NELL1: variants seen among roughly 807,000 people sequenced by gnomAD.
NELL1 encodes protein kinase C-binding protein NELL1.
In NELL1, 76 loss-of-function variants were observed where a neutral mutation model predicts 107.4. The observed-to-expected ratio is 0.71, with a 90% CI of 0.59 to 0.86. The LOEUF (loss-of-function observed/expected upper bound fraction) is 0.86, where lower values mean the gene tolerates loss of function less well. NELL1 is among the 40% of genes least tolerant of loss of function. The probability of loss-of-function intolerance (pLI) is 0.00; values close to 1 mark genes in which losing one functional copy is unlikely to be tolerated. For missense variants in NELL1, 1,024 were observed against 1,005.5 expected (o/e 1.02, Z -0.25); for synonymous variants, 353 against 341.2 (o/e 1.03, Z -0.38).
intron 12 of NELL1, among the ~76,000 whole-genome samples, chr11:21,062,948 C>T (rs868706347): frequency 6.6e-6 from 1 of 152,092 alleles, no homozygotes; most frequent in Non-Finnish European, 1.5e-5. Context: ...ATCCCTTAGC[C>T]TTCCAAGTAG....
intron 17 of NELL1, among the ~76,000 whole-genome samples, chr11:21,565,689 A>C (rs1292736638): frequency 1.3e-5 from 2 of 151,920 alleles, no homozygotes; most frequent in Admixed American, 1.3e-4. Flanking sequence ...GTGGAAAATC[A>C]TTGTTATGAA....
chr11:21,035,939 T>C (rs1269438634), intron 12 of NELL1, among the ~76,000 whole-genome samples: 1 of 152,144 alleles, frequency 6.6e-6, no homozygotes, highest in Admixed American at 6.6e-5. Context: ...AGGGAGGAAG[T>C]CAAACTATCC....
chr11:21,412,592 G>A (rs1852405085), intron 15 of NELL1, among the ~76,000 whole-genome samples: 1 of 152,074 alleles, frequency 6.6e-6, no homozygotes, highest in African/African-American at 2.4e-5. Context: ...GTTAGATGTT[G>A]AACATTTGTA....
chr11:20,949,827 A>G (rs371332271), intron 11 of NELL1, among the ~76,000 whole-genome samples: 111 of 152,308 alleles, frequency 7.3e-4, no homozygotes, highest in African/African-American at 2.6e-3. Context: ...CAGGAGGAAG[A>G]CTTCATAGAT....
chr11:20,709,714 T>C (rs1855063849), intron 2 of NELL1, among the ~76,000 whole-genome samples: 1 of 152,208 alleles, frequency 6.6e-6, no homozygotes, highest in South Asian at 2.1e-4. Context: ...CAATAATTTC[T>C]TTCAATAGTG....
chr11:21,562,710 GA>G (rs1203795106), intron 17 of NELL1, among the ~76,000 whole-genome samples: 4 of 152,008 alleles, frequency 2.6e-5, no homozygotes, highest in Admixed American at 1.3e-4. Flanking sequence ...TCAAGGTTGG[GA>G]TATAAAGTAC....
intron 15 of NELL1, among the ~76,000 whole-genome samples, chr11:21,419,053 C>G (rs1852591979): frequency 6.6e-6 from 1 of 152,136 alleles, no homozygotes; most frequent in African/African-American, 2.4e-5. Flanking sequence ...CTTAATGACA[C>G]TTGTTCACAT....
chr11:20,881,336 T>C (rs1408011529), intron 4 of NELL1, among the ~76,000 whole-genome samples: 1 of 152,200 alleles, frequency 6.6e-6, no homozygotes, highest in East Asian at 1.9e-4. Flanking sequence ...CTTTGATAAA[T>C]AGTAGCTTGG....
At chr11:20,869,859 A>G (rs569145274) in intron 4 of NELL1, among the ~76,000 whole-genome samples, 1 of 152,272 alleles carries the variant, frequency 6.6e-6, no homozygotes, top group Admixed American at 6.5e-5. Context: ...CTTCCTGCAT[A>G]CTTTTGTGTT....
At chr11:20,685,843 A>G (rs571641212) in intron 2 of NELL1, among the ~76,000 whole-genome samples, 1 of 152,278 alleles carries the variant, frequency 6.6e-6, no homozygotes, top group East Asian at 1.9e-4. Flanking sequence ...GATTAAAATC[A>G]GCATTTTTTG....
intron 14 of NELL1, among the ~76,000 whole-genome samples, chr11:21,247,128 T>G (rs2133905287): frequency 6.6e-6 from 1 of 152,284 alleles, no homozygotes; most frequent in African/African-American, 2.4e-5. Flanking sequence ...GGACTGGAAG[T>G]TGCCCTGGGT....
chr11:21,264,071 G>GTGTGTGTGTGTGT (rs1554989862), intron 14 of NELL1, among the ~76,000 whole-genome samples: 4 of 139,436 alleles, frequency 2.9e-5, no homozygotes, highest in Non-Finnish European at 4.7e-5. Context: ...TCTACAATGG[G>GTGTGTGTGTGTGT]GTGTGTGTGT....
intron 12 of NELL1, among the ~76,000 whole-genome samples, chr11:21,113,161 C>T (rs912377660): frequency 1.3e-4 from 20 of 151,830 alleles, no homozygotes; most frequent in Non-Finnish European, 2.5e-4. Flanking sequence ...TGAAGCATGT[C>T]TTAGTAAGAC....
At chr11:20,767,552 A>G (rs1856556980) in intron 2 of NELL1, among the ~76,000 whole-genome samples, 1 of 152,170 alleles carries the variant, frequency 6.6e-6, no homozygotes, top group Non-Finnish European at 1.5e-5. Context: ...TGGTGCATTT[A>G]CAATCCTTTA....
intron 15 of NELL1, among the ~76,000 whole-genome samples, chr11:21,395,865 TCAAC>T (rs541436337): frequency 6.6e-6 from 1 of 150,496 alleles, no homozygotes; most frequent in East Asian, 2.0e-4. Flanking sequence ...CCAAAAAAAA[TCAAC>T]CAAGTGTGAG....
At chr11:20,972,069 T>C (rs1236025770) in intron 12 of NELL1, among the ~76,000 whole-genome samples, 1 of 151,908 alleles carries the variant, frequency 6.6e-6, no homozygotes, top group Non-Finnish European at 1.5e-5. Flanking sequence ...TTAGGACAAA[T>C]ACCTAATGCA....
chr11:21,188,645 C>A (rs1482947268), intron 13 of NELL1, among the ~76,000 whole-genome samples: 2 of 151,656 alleles, frequency 1.3e-5, no homozygotes, highest in Non-Finnish European at 2.9e-5. Flanking sequence ...AGAAGCAATG[C>A]AAAATATACA....
At chr11:20,812,346 T>A (rs1371756364) in intron 3 of NELL1, among the ~76,000 whole-genome samples, 1 of 152,220 alleles carries the variant, frequency 6.6e-6, no homozygotes, top group Non-Finnish European at 1.5e-5. Flanking sequence ...TGACAGTATT[T>A]TGTTGAGAAT....
At chr11:21,362,288 G>A (rs1331186172) in intron 14 of NELL1, among the ~76,000 whole-genome samples, 2 of 152,136 alleles carry the variant, frequency 1.3e-5, no homozygotes, top group East Asian at 3.9e-4. Context: ...ACCCAGCAGA[G>A]CTACCATGCT....
Sources: allele counts gnomAD v4.1 joint callset (sites outside exome capture counted in the v4.1 genomes callset), GRCh38; gene constraint gnomAD v4.1.1; transcripts MANE v1.5; gene names NCBI Gene and HGNC (gene_info 2026-07-23, HGNC 2026-07-21).